Variants in SBF2 observed in about 807,000 individuals in gnomAD.
The protein encoded by SBF2 is myotubularin-related protein 13.
Under a neutral mutation model 225.2 loss-of-function variants are expected in SBF2, and 112 were observed. The ratio of observed to expected loss-of-function variants is 0.50; its 90% CI spans 0.43 to 0.58. SBF2 has a LOEUF of 0.58. Ranked by LOEUF, SBF2 falls within the 20% of genes least tolerant of loss-of-function variation. The pLI, the probability that SBF2 is intolerant of heterozygous loss-of-function variation, is 0.00. For missense variants in SBF2, 1,996 were observed against 2,206.2 expected, an observed-to-expected ratio of 0.90 and a Z score of 1.91; for synonymous variants, 763 against 773.3, an observed-to-expected ratio of 0.99 and a Z score of 0.22.
chr11:9,959,887 T>G (rs1423725115), intron 16 of SBF2: 3 of 411,516 alleles, frequency 7.3e-6, no homozygotes, highest in African/African-American at 6.1e-5. Flanking sequence ...GCTCAGAAAC[T>G]CTGCTCTTCT....
intron 2 of SBF2, among the ~76,000 whole-genome samples, chr11:10,097,730 G>A (rs1026859156): frequency 2.4e-4 from 36 of 152,092 alleles, no homozygotes; most frequent in African/African-American, 8.7e-4. Flanking sequence ...GCATTGAAAA[G>A]GGTAAGAACA....
chr11:10,030,935 T>C (rs1949229523), intron 4 of SBF2, 113 bp downstream of exon 4: 3 of 921,796 alleles, frequency 3.3e-6, no homozygotes, highest in Admixed American at 4.3e-5. Flanking sequence ...ATTTCATAGA[T>C]GAATTCCTAA....
intron 17 of SBF2, among the ~76,000 whole-genome samples, chr11:9,870,144 C>T (rs1395295609): frequency 6.6e-6 from 1 of 152,096 alleles, no homozygotes; most frequent in Non-Finnish European, 1.5e-5. Context: ...ATAAAGCTAA[C>T]AAGGCAAGTG....
intron 2 of SBF2, among the ~76,000 whole-genome samples, chr11:10,082,869 C>T (rs1171620025): frequency 6.6e-6 from 1 of 152,090 alleles, no homozygotes; most frequent in Non-Finnish European, 1.5e-5. Flanking sequence ...CAACACAGTA[C>T]TGGAAATCCC....
intron 2 of SBF2, among the ~76,000 whole-genome samples, chr11:10,098,119 C>G (rs1219342865): frequency 6.6e-6 from 1 of 152,064 alleles, no homozygotes; most frequent in African/African-American, 2.4e-5. Flanking sequence ...ACCATGCACC[C>G]CTCTCTCCTG....
intron 13 of SBF2, among the ~76,000 whole-genome samples, chr11:9,985,858 A>G (rs1014075763): frequency 6.6e-6 from 1 of 152,214 alleles, no homozygotes; most frequent in Non-Finnish European, 1.5e-5. Context: ...CTCCACTGGC[A>G]GCATTAGACA....
intron 13 of SBF2, among the ~76,000 whole-genome samples, chr11:9,976,010 T>G (rs1349156667): frequency 6.6e-6 from 1 of 152,054 alleles, no homozygotes; most frequent in Admixed American, 6.6e-5. Context: ...GGTTCAATGC[T>G]GGGCAATGAA....
At chr11:10,080,248 CAA>C (rs34181436) in intron 2 of SBF2, among the ~76,000 whole-genome samples, 1,396 of 82,206 alleles carry the variant, frequency 0.017, 5 homozygotes, top group African/African-American at 0.02. Flanking sequence ...AACTCTGTCT[CAA>C]AAAAAAAAAA....
At chr11:10,070,259 AGGTTTT>A (rs1950808700) in intron 2 of SBF2, among the ~76,000 whole-genome samples, 1 of 152,174 alleles carries the variant, frequency 6.6e-6, no homozygotes, top group Admixed American at 6.5e-5. Flanking sequence ...GGTACTGCCT[AGGTTTT>A]TCTTCTAGGG....
chr11:10,131,108 G>A (rs1285937657), intron 2 of SBF2, among the ~76,000 whole-genome samples: 4 of 152,110 alleles, frequency 2.6e-5, no homozygotes, highest in Non-Finnish European at 5.9e-5. Flanking sequence ...TTGCTAAACC[G>A]TTTTCCAGAG....
At chr11:10,026,943 TAGAAG>T (rs1420672539) in intron 6 of SBF2, among the ~76,000 whole-genome samples, 1 of 152,134 alleles carries the variant, frequency 6.6e-6, no homozygotes, top group Non-Finnish European at 1.5e-5. Flanking sequence ...AAACTTGCAC[TAGAAG>T]AGAAGGGAGA....
chr11:9,852,313 T>A (rs544028226), intron 21 of SBF2, among the ~76,000 whole-genome samples: 48 of 152,254 alleles, frequency 3.2e-4, no homozygotes, highest in African/African-American at 1.1e-3. Flanking sequence ...CTGGGTTTTT[T>A]ATGATAATTG....
chr11:9,898,913 T>G (rs998185321), intron 16 of SBF2, among the ~76,000 whole-genome samples: 1 of 151,630 alleles, frequency 6.6e-6, no homozygotes, highest in Non-Finnish European at 1.5e-5. Flanking sequence ...GGACAGAAAC[T>G]TGGGAAAGAT....
chr11:10,290,019 C>T (rs943197619), intron 1 of SBF2, among the ~76,000 whole-genome samples: 3 of 152,190 alleles, frequency 2.0e-5, no homozygotes, highest in African/African-American at 4.8e-5. Context: ...CACCACCGCC[C>T]GCACCTCTTC....
In SBF2 at chr11:9,817,000, C is replaced by T. The variant is rs774935915; in HGVS notation, c.3818G>A (p.Ser1273Asn). The T allele has an allele frequency of 1.8e-5, 29 of 1,614,022 alleles. No homozygotes were observed. The highest frequency in any genetic ancestry group is 2.1e-5 in the Non-Finnish European group (25 of 1,180,046). ...SPGVWASLRS[S>N]TRLISSPTSF... ...TGTTGGAGAGCTGATCAAGCGAGTG[C>T]TAGAGCGAAGACTTGCCCACACACC... Residue 1273 changes from serine (S) to asparagine (N), a missense_variant, in exon 29 of 40, where the codon AGC becomes AAC. By Grantham distance (46) the Ser-to-Asn change is conservative (BLOSUM62 1). Transcript: ENST00000256190.
At chr11:9,917,655 C>A (rs908759652) in intron 16 of SBF2, among the ~76,000 whole-genome samples, 1 of 151,348 alleles carries the variant, frequency 6.6e-6, no homozygotes, top group African/African-American at 2.4e-5. Flanking sequence ...ATTCTATCTT[C>A]CCTTCTTAAT....
chr11:9,812,593 A>T lies in SBF2; in HGVS notation c.4094T>A (p.Ile1365Asn). Residue 1365 changes from isoleucine (I) to asparagine (N), a missense_variant, in exon 30 of 40, where the codon ATC becomes AAC. Coordinates refer to ENST00000256190, the MANE Select transcript of SBF2 (RefSeq NM_030962.4). ...GAAGGTCACTTCTGAGTCAGTAGGG[A>T]TGGTGCTTGGGATACAAGCCCTCAT... ...KLMRACIPST[I>N]PTDSEVTFLK... 1.2e-6 allele frequency: 2 copies of T among 1,614,202 alleles called. No homozygotes were observed. Among genetic ancestry groups the T allele is most frequent in the Non-Finnish European group, 1.7e-6 (2 of 1,180,026 alleles).
chr11:9,885,420 T>C (rs749599940), intron 17 of SBF2, among the ~76,000 whole-genome samples: 6 of 152,142 alleles, frequency 3.9e-5, no homozygotes, highest in Non-Finnish European at 7.3e-5. Flanking sequence ...CTATATTGTC[T>C]AATACTTTCT....
intron 1 of SBF2, among the ~76,000 whole-genome samples, chr11:10,222,399 CACA>C (rs138722009): frequency 0.087 from 13,215 of 152,132 alleles, 728 homozygotes; most frequent in Middle Eastern, 0.13. Flanking sequence ...AAAAATACAA[CACA>C]ACAAGTTTGA....
Sources: gnomAD v4.1 joint callset for allele counts (sites outside exome capture counted in the v4.1 genomes callset) on GRCh38, gnomAD v4.1.1 for gene constraint, MANE v1.5 for transcripts, NCBI Gene and HGNC (gene_info 2026-07-23, HGNC 2026-07-21) for gene names.